UVRAG: variants seen among roughly 807,000 people sequenced by gnomAD.
UVRAG encodes the protein UV radiation resistance-associated gene protein.
A neutral mutation model predicts 78.0 loss-of-function variants in UVRAG; 19 were observed. The ratio of observed to expected loss-of-function variants is 0.24; its 90% CI spans 0.17 to 0.36. The LOEUF (loss-of-function observed/expected upper bound fraction) is 0.36, where lower values mean the gene tolerates loss of function less well. Ranked by LOEUF, UVRAG falls within the 10% of genes least tolerant of loss-of-function variation. The pLI is 1.00. For missense variants in UVRAG, 740 were observed against 853.8 expected (o/e 0.87, Z 1.66); for synonymous variants, 323 against 324.6 (o/e 1.00, Z 0.05).
At chr11:75,970,757 G>A (rs1949107986) in intron 7 of UVRAG, among the ~76,000 whole-genome samples, 5 of 150,842 alleles carry the variant, frequency 3.3e-5, no homozygotes, top group Admixed American at 3.3e-4. Flanking sequence ...AAAAAATTAG[G>A]CAGAAAGTAC....
At chr11:75,830,990 G>C (rs1945642754) in intron 1 of UVRAG, among the ~76,000 whole-genome samples, 1 of 152,182 alleles carries the variant, frequency 6.6e-6, no homozygotes, top group Non-Finnish European at 1.5e-5. Context: ...GTGTGCCTCA[G>C]GGAGACTCAG....
At chr11:76,133,161 A>T (rs1952541745) in intron 14 of UVRAG, among the ~76,000 whole-genome samples, 1 of 152,162 alleles carries the variant, frequency 6.6e-6, no homozygotes. Flanking sequence ...ATTATTATTA[A>T]TAATTTATTG....
At chr11:75,970,745 A>AG (rs1307629434) in intron 7 of UVRAG, among the ~76,000 whole-genome samples, 1 of 151,786 alleles carries the variant, frequency 6.6e-6, no homozygotes, top group African/African-American at 2.4e-5. Context: ...AAAAAAAAAA[A>AG]AAAAAAATTA....
At chr11:75,924,499 C>T (rs1201317413) in intron 6 of UVRAG, among the ~76,000 whole-genome samples, 1 of 151,852 alleles carries the variant, frequency 6.6e-6, no homozygotes, top group African/African-American at 2.4e-5. Flanking sequence ...CATTCTCCTG[C>T]CTCAGCCTCC....
intron 2 of UVRAG, among the ~76,000 whole-genome samples, chr11:75,852,652 T>C (rs1313722947): frequency 6.6e-6 from 1 of 152,210 alleles, no homozygotes; most frequent in Non-Finnish European, 1.5e-5. Context: ...GTACTAGTTC[T>C]AGCCCAGCTA....
intron 5 of UVRAG, among the ~76,000 whole-genome samples, chr11:75,893,087 G>C (rs1251798499): frequency 6.6e-6 from 1 of 151,526 alleles, no homozygotes; most frequent in East Asian, 1.9e-4. Context: ...TGAGGCAGGA[G>C]AACTGCTTGA....
intron 8 of UVRAG, among the ~76,000 whole-genome samples, chr11:75,987,011 T>G (rs1949512850): frequency 6.6e-6 from 1 of 152,234 alleles, no homozygotes; most frequent in Non-Finnish European, 1.5e-5. Flanking sequence ...CATCAGTTGT[T>G]GGACATTTGG....
intron 9 of UVRAG, among the ~76,000 whole-genome samples, chr11:76,006,696 A>G (rs1339719986): frequency 2.0e-5 from 3 of 146,384 alleles, no homozygotes; most frequent in African/African-American, 4.9e-5. Flanking sequence ...AGAGAGAGAG[A>G]AGGGTAATTT....
intron 2 of UVRAG, among the ~76,000 whole-genome samples, chr11:75,855,507 A>G (rs1296849889): frequency 1.3e-5 from 2 of 152,186 alleles, no homozygotes; most frequent in Non-Finnish European, 2.9e-5. Flanking sequence ...ACTTTTAACT[A>G]CCATAGGAGG....
intron 12 of UVRAG, among the ~76,000 whole-genome samples, chr11:76,053,667 C>T (rs1950917989): frequency 6.6e-6 from 1 of 152,022 alleles, no homozygotes; most frequent in Non-Finnish European, 1.5e-5. Flanking sequence ...AACACCCATG[C>T]TTTAAAAAGT....
intron 6 of UVRAG, among the ~76,000 whole-genome samples, chr11:75,960,358 T>C (rs1948887354): frequency 6.6e-6 from 1 of 152,226 alleles, no homozygotes; most frequent in African/African-American, 2.4e-5. Context: ...TTATTAATTT[T>C]AGTATTTGTT....
chr11:75,963,815 T>C (rs897114731), intron 7 of UVRAG, among the ~76,000 whole-genome samples: 16 of 152,208 alleles, frequency 1.1e-4, no homozygotes, highest in African/African-American at 3.6e-4. Flanking sequence ...TTTTTACTTA[T>C]GTTTTATAAG....
chr11:76,028,855 G>T (rs1485977851), intron 12 of UVRAG, among the ~76,000 whole-genome samples: 1 of 152,130 alleles, frequency 6.6e-6, no homozygotes, highest in Non-Finnish European at 1.5e-5. Context: ...TTATCCAGAA[G>T]ATCTAGCTAA....
At chr11:75,820,357 CTTT>C (rs113444522) in intron 1 of UVRAG, among the ~76,000 whole-genome samples, 3 of 143,524 alleles carry the variant, frequency 2.1e-5, no homozygotes, top group Non-Finnish European at 3.0e-5. Context: ...TTCACTTATT[CTTT>C]TTTTTTTTTT....
At chr11:76,103,537 GT>G (rs11312309) in intron 13 of UVRAG, among the ~76,000 whole-genome samples, 9,761 of 132,062 alleles carry the variant, frequency 0.074, 505 homozygotes, top group African/African-American at 0.18. Flanking sequence ...TGCTGTTTTG[GT>G]TTTTTTTTTT....
chr11:76,044,631 G>A (rs751307399), intron 12 of UVRAG, among the ~76,000 whole-genome samples: 67 of 152,086 alleles, frequency 4.4e-4, no homozygotes, highest in Non-Finnish European at 8.4e-4. Flanking sequence ...AACATTAGCC[G>A]GGCATGGCAG....
At chr11:76,063,442 A>T (rs1378304167) in intron 12 of UVRAG, among the ~76,000 whole-genome samples, 1 of 152,218 alleles carries the variant, frequency 6.6e-6, no homozygotes, top group Non-Finnish European at 1.5e-5. Context: ...AGTTAGAGTG[A>T]CAGTAAGGCT....
At chr11:76,083,208 T>C (rs1951530633) in intron 13 of UVRAG, among the ~76,000 whole-genome samples, 1 of 152,226 alleles carries the variant, frequency 6.6e-6, no homozygotes, top group African/African-American at 2.4e-5. Flanking sequence ...AGGTTTTTGT[T>C]ATTATCCTCA....
At chr11:76,071,219 G>T (rs527430130) in intron 13 of UVRAG, among the ~76,000 whole-genome samples, 23 of 152,274 alleles carry the variant, frequency 1.5e-4, no homozygotes, top group African/African-American at 5.5e-4. Flanking sequence ...AGATTAAATT[G>T]TCAAATAACC....
Sources: gnomAD v4.1 joint callset for allele counts (sites outside exome capture counted in the v4.1 genomes callset) on GRCh38, gnomAD v4.1.1 for gene constraint, MANE v1.5 for transcripts, NCBI Gene and HGNC (gene_info 2026-07-23, HGNC 2026-07-21) for gene names.